Variants in DMD observed in about 807,000 individuals in gnomAD.
DMD encodes the protein mutant dystrophin.
DMD carries 63 observed loss-of-function variants against 330.1 expected under a neutral mutation model. The ratio of observed to expected loss-of-function variants is 0.19; its 90% CI spans 0.16 to 0.24. The LOEUF (loss-of-function observed/expected upper bound fraction) is 0.24. Among genes scored for constraint, DMD ranks in the 10% least tolerant of loss-of-function variants. The pLI, the probability that DMD is intolerant of heterozygous loss-of-function variation, is 1.00. For missense variants in DMD, 3,344 were observed against 2,684.1 expected, an observed-to-expected ratio of 1.25 and a Z score of -5.43; for synonymous variants, 1,223 against 959.8, an observed-to-expected ratio of 1.27 and a Z score of -5.07.
intron 50 of DMD, among the ~76,000 whole-genome samples, chrX:31,819,508 C>T (rs2092707642): frequency 8.9e-6 from 1 of 112,638 alleles, no homozygotes; most frequent in Non-Finnish European, 1.9e-5. Context: ...CTAAGAATTG[C>T]CTTCGGCCTC....
At chrX:33,200,890 T>C (rs2051221939) in intron 1 of DMD, among the ~76,000 whole-genome samples, 1 of 106,753 alleles carries the variant, frequency 9.4e-6, no homozygotes, top group South Asian at 4.1e-4. Flanking sequence ...TACTAAACAA[T>C]TGATACCATG....
chrX:32,769,688 A>G (rs2073392040), intron 7 of DMD, among the ~76,000 whole-genome samples: 1 of 111,547 alleles, frequency 9.0e-6, no homozygotes, highest in Non-Finnish European at 1.9e-5. Context: ...ATGCCCTTGG[A>G]AAGATATAAG....
At chrX:31,301,755 G>GT (rs200141315) in intron 62 of DMD, among the ~76,000 whole-genome samples, 11,176 of 109,229 alleles carry the variant, frequency 0.1, 554 homozygotes, top group Non-Finnish European at 0.14. Flanking sequence ...TTTTTTGTTT[G>GT]TTTTTTTTTG....
intron 7 of DMD, among the ~76,000 whole-genome samples, chrX:32,751,406 G>A (rs965842699): frequency 9.0e-6 from 1 of 111,623 alleles, no homozygotes; most frequent in Non-Finnish European, 1.9e-5. Context: ...GGAGCATTTT[G>A]CTCCTGCCCT....
intron 44 of DMD, among the ~76,000 whole-genome samples, chrX:32,122,476 G>T (rs890606574): frequency 8.9e-6 from 1 of 111,893 alleles, no homozygotes; most frequent in African/African-American, 3.2e-5. Context: ...TTGGGATGAA[G>T]GGTAGGAGTC....
At chrX:32,575,171 T>G (rs2052893071) in intron 13 of DMD, among the ~76,000 whole-genome samples, 1 of 111,596 alleles carries the variant, frequency 9.0e-6, no homozygotes, top group Non-Finnish European at 1.9e-5. Flanking sequence ...GTGATGGGAT[T>G]ACAGGCATGA....
chrX:31,418,930 C>T (rs1046198531), intron 60 of DMD, among the ~76,000 whole-genome samples: 1 of 111,343 alleles, frequency 9.0e-6, no homozygotes, highest in African/African-American at 3.3e-5. Flanking sequence ...GACTTATTTA[C>T]TAGACATTCT....
chrX:32,393,549 G>T (rs965281096), intron 30 of DMD, among the ~76,000 whole-genome samples: 1 of 111,672 alleles, frequency 9.0e-6, no homozygotes, highest in Non-Finnish European at 1.9e-5. Context: ...CTGTAAATCA[G>T]CAGTATGTTG....
At chrX:33,292,733 G>C (rs1393208350) in intron 1 of DMD, among the ~76,000 whole-genome samples, 1 of 111,097 alleles carries the variant, frequency 9.0e-6, no homozygotes, top group African/African-American at 3.3e-5. Context: ...AGGAAAAACA[G>C]ATGCCAGGAC....
At chrX:33,280,192 A>G (rs1203850670) in intron 1 of DMD, among the ~76,000 whole-genome samples, 1 of 111,078 alleles carries the variant, frequency 9.0e-6, no homozygotes, top group Non-Finnish European at 1.9e-5. Context: ...CATGTTGGCC[A>G]GGCTGGTCTC....
intron 41 of DMD, among the ~76,000 whole-genome samples, chrX:32,334,754 G>A (rs1379089959): frequency 9.0e-6 from 1 of 111,368 alleles, no homozygotes; most frequent in Non-Finnish European, 1.9e-5. Context: ...CTTTTCTACT[G>A]CAACTGTCTA....
At chrX:32,693,160 G>A (rs2063404905) in intron 9 of DMD, among the ~76,000 whole-genome samples, 1 of 111,662 alleles carries the variant, frequency 9.0e-6, no homozygotes, top group Non-Finnish European at 1.9e-5. Flanking sequence ...ATGAGCCAGT[G>A]AATGTGGTCA....
intron 59 of DMD, among the ~76,000 whole-genome samples, chrX:31,446,991 T>C (rs1477958695): frequency 9.0e-6 from 1 of 111,727 alleles, no homozygotes; most frequent in Non-Finnish European, 1.9e-5. Context: ...TTGATTATCC[T>C]ACCTCGTTAA....
intron 2 of DMD, among the ~76,000 whole-genome samples, chrX:33,008,905 T>C (rs868276795): frequency 6.0e-4 from 48 of 79,897 alleles, no homozygotes; most frequent in African/African-American, 7.3e-4. Context: ...TATATACACA[T>C]ACTCATATAT....
chrX:32,073,087 A>G (rs1383979934), intron 44 of DMD, among the ~76,000 whole-genome samples: 1 of 112,143 alleles, frequency 8.9e-6, no homozygotes, highest in Non-Finnish European at 1.9e-5. Context: ...AAACGTACTT[A>G]CTACTTCACT....
intron 9 of DMD, among the ~76,000 whole-genome samples, chrX:32,653,134 T>C (rs181485244): frequency 1.1e-3 from 129 of 112,271 alleles, no homozygotes; most frequent in Non-Finnish European, 2.2e-3. Context: ...TGGTAGTTTC[T>C]TTTGCTTTGC....
chrX:32,369,346 G>T (rs1463061962), intron 34 of DMD, among the ~76,000 whole-genome samples: 1 of 111,164 alleles, frequency 9.0e-6, no homozygotes, highest in Admixed American at 9.6e-5. Flanking sequence ...GAAGGATGAA[G>T]AATACATTCT....
intron 1 of DMD, among the ~76,000 whole-genome samples, chrX:33,139,860 C>T (rs2047699801): frequency 1.1e-5 from 1 of 91,700 alleles, no homozygotes; most frequent in African/African-American, 4.6e-5. Context: ...CTAATACAGC[C>T]CCATCGCTAA....
intron 21 of DMD, among the ~76,000 whole-genome samples, chrX:32,481,713 A>G (rs2041916981): frequency 1.8e-5 from 2 of 111,586 alleles, no homozygotes; most frequent in African/African-American, 6.5e-5. Context: ...TTCTAACATC[A>G]TCTCCCCAGA....
Sources: allele counts gnomAD v4.1 joint callset (sites outside exome capture counted in the v4.1 genomes callset), GRCh38; gene constraint gnomAD v4.1.1; transcripts MANE v1.5; gene names NCBI Gene and HGNC (gene_info 2026-07-23, HGNC 2026-07-21).